The following GOSR1 variants were observed in gnomAD, a reference collection of about 807,000 sequenced individuals.
GOSR1 encodes golgi SNAP receptor complex member 1, also known as 28 kDa Golgi SNARE protein.
Under a neutral mutation model 35.5 loss-of-function variants are expected in GOSR1, and 21 were observed. That is an observed-to-expected ratio of 0.59 (90% CI 0.42 to 0.85). The LOEUF (loss-of-function observed/expected upper bound fraction) is 0.85, where lower values mean the gene tolerates loss of function less well. Among genes scored for constraint, GOSR1 ranks in the 40% least tolerant of loss-of-function variants. The pLI, the probability that GOSR1 is intolerant of heterozygous loss-of-function variation, is 0.00. For missense variants in GOSR1, 285 were observed against 309.6 expected, an observed-to-expected ratio of 0.92 and a Z score of 0.60; for synonymous variants, 94 against 106.6, an observed-to-expected ratio of 0.88 and a Z score of 0.73.
chr17:30,482,004 A>C (rs1292968074), intron 2 of GOSR1, among the ~76,000 whole-genome samples: 2 of 151,990 alleles, frequency 1.3e-5, no homozygotes, highest in Admixed American at 1.3e-4. Flanking sequence ...TAATTAGGCA[A>C]TATTTAAGAC....
intron 5 of GOSR1, among the ~76,000 whole-genome samples, chr17:30,491,413 C>T (rs946493455): frequency 1.1e-4 from 16 of 152,150 alleles, no homozygotes; most frequent in Admixed American, 2.6e-4. Context: ...AATCCCAGCA[C>T]TTTGGGAGGC....
rs1968196328 is a variant in GOSR1 at position 30,527,175 on chromosome 17, C to A, written c.*4797C>A. The A allele has an allele frequency of 6.6e-6, 1 of 152,158 alleles. No individual in the cohort carries two copies. Among genetic ancestry groups the A allele is most frequent in the Non-Finnish European group, 1.5e-5 (1 of 68,064 alleles). The allele number at this position is 152,158 out of a possible 1,614,324, so 9.4% of individuals were successfully genotyped here. A position where few individuals can be genotyped will look rare whatever the true frequency, so the allele number is the denominator to read the frequency against. On this transcript the variant is annotated 3_prime_UTR_variant, in exon 9 of 9. Transcript: ENST00000451249. ...GGATTTGAGACCAGTCTGGGCAACACAGCAAAGACCTTGTCTCTACAAAAA... is the reference window on the plus strand; with the variant it reads ...GGATTTGAGACCAGTCTGGGCAACAAAGCAAAGACCTTGTCTCTACAAAAA...
At chr17:30,478,134 A>G (rs1914074986) in intron 1 of GOSR1, 1 of 160,388 alleles carries the variant, frequency 6.2e-6, no homozygotes, top group Non-Finnish European at 1.3e-5. Flanking sequence ...TCTCCCACCA[A>G]AAAAACCTTC....
intron 6 of GOSR1, among the ~76,000 whole-genome samples, chr17:30,493,293 G>A (rs961117157): frequency 1.2e-4 from 18 of 152,042 alleles, no homozygotes; most frequent in Non-Finnish European, 2.5e-4. Context: ...CACCGCACCC[G>A]GCCAGTGCAT....
chr17:30,524,168 AC>A lies in GOSR1; in HGVS notation c.*1793del, dbSNP rs1243213078. The stretch of plus-strand genomic sequence containing the variant: ...ACCTTCCCTCCACTATTGTCCTATG[AC>A]CCTGCCAAATCCCCCTCTGCGAGAA... On this transcript the variant is annotated 3_prime_UTR_variant, in exon 9 of 9. Transcript: ENST00000451249. 1 of 156,490 alleles carries A rather than the reference AC, an allele frequency of 6.4e-6. No homozygotes were observed. Among genetic ancestry groups the A allele is most frequent in the African/African-American group, 2.4e-5 (1 of 41,408 alleles). 9.7% of individuals were successfully genotyped at this position (156,490 alleles called of 1,614,324 possible).
rs1358130434 is a variant in GOSR1 at position 30,516,469 on chromosome 17, CAAACAA to C, written c.540-3466_540-3461del. 6.3e-5 allele frequency among the ~76,000 whole-genome samples: 7 copies of C among 111,228 alleles called. 1 individual carries two copies. The highest frequency in any genetic ancestry group is 1.1e-4 in the Non-Finnish European group (6 of 56,948). 73.0% of individuals were successfully genotyped at this position (111,228 alleles called of 152,430 possible). Reference sequence around the variant, plus strand: ...TGGGTGACAGAGCAAGACTCCGTCTCAAACAAAAAAAAAGAAAAAGAAAAAGTCAGT... The same window carrying C: ...TGGGTGACAGAGCAAGACTCCGTCTCAAAAAAAGAAAAAGAAAAAGTCAGT... On this transcript the variant is annotated intron_variant, in intron 7 of 8. Coordinates refer to ENST00000451249, the MANE Select transcript of GOSR1 (RefSeq NM_001007025.2).
At chr17:30,498,358 C>T (rs1403198577) in intron 6 of GOSR1, among the ~76,000 whole-genome samples, 1 of 152,016 alleles carries the variant, frequency 6.6e-6, no homozygotes, top group Non-Finnish European at 1.5e-5. Context: ...TCATCCCTGT[C>T]CTCAGTGAGC....
In GOSR1 at chr17:30,490,219, TA is replaced by T; in HGVS notation, c.434+4del. On this transcript the variant is annotated splice_donor_region_variant and intron_variant, in intron 5 of 8. Coordinates refer to ENST00000451249, the MANE Select transcript of GOSR1 (RefSeq NM_001007025.2). ...GGGATCAGTACGAAAAGATATTGAG[TA>T]AGTTACTTTTTATATTATTTTGTAG... 7.5e-7 allele frequency: 1 copy of T among 1,338,126 alleles called. No individual in the cohort carries two copies. The highest frequency in any genetic ancestry group is 1.1e-6 in the Non-Finnish European group (1 of 929,342). The allele number at this position is 1,338,126 out of a possible 1,614,324, so 82.9% of individuals were successfully genotyped here.
At chr17:30,485,711 A>G (rs1347999734) in intron 4 of GOSR1, among the ~76,000 whole-genome samples, 1 of 152,198 alleles carries the variant, frequency 6.6e-6, no homozygotes, top group Non-Finnish European at 1.5e-5. Flanking sequence ...TTCTAATTTT[A>G]AAAACTGTTT....
chr17:30,488,026 G>A (rs1914785919), intron 4 of GOSR1, among the ~76,000 whole-genome samples: 1 of 151,448 alleles, frequency 6.6e-6, no homozygotes. Context: ...CACCCACCTC[G>A]GCCTCCCAAA....
intron 1 of GOSR1, 58 bp downstream of exon 1, chr17:30,477,522 A>C: frequency 6.4e-7 from 1 of 1,574,160 alleles, no homozygotes. Context: ...CTGAGTGAGG[A>C]CAGATCTTGG....
At chr17:30,482,918 C>G (rs1039173606) in intron 2 of GOSR1, 1 of 152,100 alleles carries the variant, frequency 6.6e-6, no homozygotes, top group Non-Finnish European at 1.5e-5. Flanking sequence ...ATCTTGAAAA[C>G]ATTTCCCAAG....
chr17:30,519,842 T>C (rs1279558167), intron 7 of GOSR1, 97 bp from the exon 8 acceptor site: 2 of 731,912 alleles, frequency 2.7e-6, no homozygotes, highest in Non-Finnish European at 4.8e-6. Flanking sequence ...TCTAAGATGA[T>C]GTTGCTCACT....
intron 6 of GOSR1, among the ~76,000 whole-genome samples, chr17:30,502,385 G>C (rs1318270814): frequency 3.3e-5 from 5 of 152,292 alleles, no homozygotes; most frequent in Middle Eastern, 3.4e-3. Context: ...AACACATGTG[G>C]CACACTAAGG....
At chr17:30,491,493 T>A (rs1176295952) in intron 5 of GOSR1, among the ~76,000 whole-genome samples, 1 of 152,084 alleles carries the variant, frequency 6.6e-6, no homozygotes, top group Non-Finnish European at 1.5e-5. Flanking sequence ...ACCCCGTCTC[T>A]ACTAAAAATA....
chr17:30,522,010 T>A (rs547136160), intron 8 of GOSR1, among the ~76,000 whole-genome samples: 2 of 152,264 alleles, frequency 1.3e-5, no homozygotes, highest in African/African-American at 4.8e-5. Context: ...TCCCTCTCTC[T>A]CTATTACTAT....
At chr17:30,488,583 G>T (rs1351340285) in intron 4 of GOSR1, among the ~76,000 whole-genome samples, 1 of 150,076 alleles carries the variant, frequency 6.7e-6, no homozygotes, top group Non-Finnish European at 1.5e-5. Flanking sequence ...GCCTAGGCTG[G>T]AGTGCTGTGG....
chr17:30,514,567 C>T (rs1197689726), intron 7 of GOSR1, among the ~76,000 whole-genome samples: 2 of 152,212 alleles, frequency 1.3e-5, no homozygotes, highest in Non-Finnish European at 1.5e-5. Flanking sequence ...GGCTGGCATG[C>T]TTCTAAAGTC....
chr17:30,500,850 C>T (rs905181415), intron 6 of GOSR1, among the ~76,000 whole-genome samples: 3 of 151,326 alleles, frequency 2.0e-5, no homozygotes, highest in African/African-American at 7.3e-5. Flanking sequence ...AATCCAGGAA[C>T]AAGGTCTTAT....
Sources: allele counts gnomAD v4.1 joint callset (sites outside exome capture counted in the v4.1 genomes callset), GRCh38; gene constraint gnomAD v4.1.1; transcripts MANE v1.5; gene names NCBI Gene and HGNC (gene_info 2026-07-23, HGNC 2026-07-21).